Variants in DDX31 observed in about 807,000 individuals in gnomAD.
The protein encoded by DDX31 is ATP-dependent DNA helicase DDX31.
Under a neutral mutation model 91.3 loss-of-function variants are expected in DDX31, and 70 were observed. The ratio of observed to expected loss-of-function variants is 0.77; its 90% CI spans 0.63 to 0.94. DDX31 has a LOEUF of 0.94. Among genes scored for constraint, DDX31 ranks in the 40% least tolerant of loss-of-function variants. DDX31 has a pLI of 0.00. For synonymous variants in DDX31, 362 were observed against 350.6 expected, an observed-to-expected ratio of 1.03 and a Z score of -0.36; for missense variants, 902 against 925.0, an observed-to-expected ratio of 0.98 and a Z score of 0.32.
chr9:132,661,706 A>G (rs534037430), intron 3 of DDX31, among the ~76,000 whole-genome samples: 2 of 152,342 alleles, frequency 1.3e-5, no homozygotes, highest in African/African-American at 4.8e-5. Context: ...AAGCCTGCCT[A>G]AAAGTTAATA....
At chr9:132,616,147 G>A (rs1831614397) in intron 18 of DDX31, among the ~76,000 whole-genome samples, 1 of 152,212 alleles carries the variant, frequency 6.6e-6, no homozygotes, top group African/African-American at 2.4e-5. Flanking sequence ...TAAGAAACAG[G>A]AGAGAAGGAA....
chr9:132,625,833 C>A, intron 16 of DDX31, 88 bp from the exon 17 acceptor site: 2 of 927,808 alleles, frequency 2.2e-6, no homozygotes, highest in Non-Finnish European at 3.4e-6. Context: ...TATTCTTGAG[C>A]TAATTAGACA....
At chr9:132,648,816 T>A (rs1267662759) in intron 9 of DDX31, among the ~76,000 whole-genome samples, 3 of 152,208 alleles carry the variant, frequency 2.0e-5, no homozygotes, top group Non-Finnish European at 4.4e-5. Flanking sequence ...CATAATCCAA[T>A]GCTCTTTATC....
intron 19 of DDX31, among the ~76,000 whole-genome samples, chr9:132,602,970 G>A (rs1006079526): frequency 1.3e-5 from 2 of 152,210 alleles, no homozygotes; most frequent in Admixed American, 6.5e-5. Context: ...AAGCGGACAC[G>A]GCCCTTGGCT....
chr9:132,598,817 T>G (rs1013815163), intron 19 of DDX31, among the ~76,000 whole-genome samples: 2 of 152,370 alleles, frequency 1.3e-5, no homozygotes, highest in Middle Eastern at 3.4e-3. Flanking sequence ...CATTCTAGGA[T>G]TTCAAAAATA....
chr9:132,627,506 TA>T (rs1832468575), intron 16 of DDX31, among the ~76,000 whole-genome samples: 2 of 152,204 alleles, frequency 1.3e-5, no homozygotes, highest in South Asian at 4.1e-4. Context: ...GATAAATAAA[TA>T]AATTCAGGGA....
intron 14 of DDX31, chr9:132,638,089 C>G (rs772286024): frequency 7.7e-7 from 1 of 1,290,512 alleles, no homozygotes; most frequent in East Asian, 3.2e-5. Flanking sequence ...AAGAAATGCA[C>G]GCGCCGGACA....
At chr9:132,661,360 A>T in intron 3 of DDX31, 109 bp from the exon 4 acceptor site, 1 of 960,308 alleles carries the variant, frequency 1.0e-6, no homozygotes. Flanking sequence ...ACTATGATCA[A>T]ATTAAGTTCC....
At chr9:132,631,988 T>G in intron 15 of DDX31, 53 bp downstream of exon 15, 1 of 1,515,908 alleles carries the variant, frequency 6.6e-7, no homozygotes, top group South Asian at 1.2e-5. Flanking sequence ...ATGCATCTAC[T>G]CATGATCATA....
At chr9:132,599,044 A>G (rs1382395432) in intron 19 of DDX31, among the ~76,000 whole-genome samples, 1 of 152,226 alleles carries the variant, frequency 6.6e-6, no homozygotes, top group Non-Finnish European at 1.5e-5. Flanking sequence ...GGCGCCCTTC[A>G]TGGGCTCTAC....
chr9:132,610,818 T>C (rs1831285338), intron 19 of DDX31, among the ~76,000 whole-genome samples: 9 of 152,146 alleles, frequency 5.9e-5, no homozygotes, highest in Admixed American at 5.9e-4. Flanking sequence ...CCCCCTAGTG[T>C]AGTTGAGATC....
At position 132,618,313 on chromosome 9, in the gene DDX31, C is replaced by G; in HGVS notation, c.1825+17G>C. 6.2e-7 allele frequency: 1 copy of G among 1,602,554 alleles called. No homozygotes were observed. Among genetic ancestry groups the G allele is most frequent in the Non-Finnish European group, 8.5e-7 (1 of 1,174,090 alleles). ...GCTGGGCTATCCACTGCGCAAGCAC[C>G]TAGGAAATCGACTGACCTTTCTTTG... On this transcript the variant is annotated intron_variant, in intron 18 of 19. Transcript: ENST00000372159.
chr9:132,600,531 C>T (rs952568323), intron 19 of DDX31, among the ~76,000 whole-genome samples: 28 of 152,164 alleles, frequency 1.8e-4, no homozygotes, highest in Non-Finnish European at 1.0e-4. Context: ...GCAGCACAGA[C>T]CACAACTGAG....
intron 1 of DDX31, among the ~76,000 whole-genome samples, chr9:132,665,826 T>C (rs1297622961): frequency 6.6e-6 from 1 of 152,252 alleles, no homozygotes; most frequent in Non-Finnish European, 1.5e-5. Context: ...ACACAGGTAC[T>C]GTTATCATCT....
chr9:132,666,017 ACTCT>A (rs1478966339), intron 1 of DDX31, among the ~76,000 whole-genome samples: 2 of 152,154 alleles, frequency 1.3e-5, no homozygotes, highest in Admixed American at 1.3e-4. Context: ...CTGGAAACTT[ACTCT>A]TTCTGCTCAA....
Position 132,645,914 on chromosome 9 carries a change from T to C in DDX31, c.1361A>G (p.His454Arg), listed in dbSNP as rs772670572. Residue 454 changes from histidine to arginine, a missense_variant, in exon 13 of 20, where the codon CAT (histidine) becomes CGT (arginine). By Grantham distance (29) the His-to-Arg change is conservative (BLOSUM62 0). Coordinates refer to ENST00000372159, the MANE Select transcript of DDX31 (RefSeq NM_022779.9). Reference protein sequence around the residue: ...ASMRLKFLRLHGGMEQEERTA... With the variant: ...ASMRLKFLRLRGGMEQEERTA... The stretch of plus-strand genomic sequence containing the variant: ...GCTCACCTCCTGCTCCATGCCGCCA[T>C]GCAGCCGTAGGAATTTTAATCGCAT... 6 of 1,613,366 alleles carry C rather than the reference T, an allele frequency of 3.7e-6. No individual in the cohort carries two copies. Among genetic ancestry groups the C allele is most frequent in the South Asian group, 2.2e-5 (2 of 90,942 alleles).
chr9:132,596,473 G>A (rs755265259), intron 19 of DDX31, among the ~76,000 whole-genome samples: 5 of 152,214 alleles, frequency 3.3e-5, no homozygotes, highest in Non-Finnish European at 5.9e-5. Flanking sequence ...AGGAGTTTAT[G>A]GGGTGAGCAC....
At chr9:132,660,160 C>G (rs1307940678) in intron 4 of DDX31, among the ~76,000 whole-genome samples, 1 of 151,706 alleles carries the variant, frequency 6.6e-6, no homozygotes, top group Non-Finnish European at 1.5e-5. Flanking sequence ...ATGATGAAAC[C>G]CCATCTCTAC....
intron 14 of DDX31, 74 bp downstream of exon 14, chr9:132,641,930 G>A: frequency 6.6e-7 from 1 of 1,507,258 alleles, no homozygotes; most frequent in Non-Finnish European, 9.2e-7. Context: ...AGGACAAACT[G>A]TCAAGAGACG....
Sources: gnomAD v4.1 joint callset for allele counts (sites outside exome capture counted in the v4.1 genomes callset) on GRCh38, gnomAD v4.1.1 for gene constraint, MANE v1.5 for transcripts, NCBI Gene and HGNC (gene_info 2026-07-23, HGNC 2026-07-21) for gene names.